The following COL21A1 variants were observed in gnomAD, a reference collection of about 807,000 sequenced individuals.
COL21A1 encodes collagen alpha-1(XXI) chain.
In COL21A1, 149 loss-of-function variants were observed where a neutral mutation model predicts 137.9. The observed-to-expected ratio is 1.08, with a 90% CI of 0.95 to 1.24. COL21A1 has a LOEUF of 1.24. Ranked by LOEUF, COL21A1 falls within the 50% of genes most tolerant of loss-of-function variation. The pLI is 0.00. For synonymous variants in COL21A1, 456 were observed against 391.5 expected (o/e 1.16, Z -1.95); for missense variants, 1,167 against 1,158.4 (o/e 1.01, Z -0.11).
intron 3 of COL21A1, among the ~76,000 whole-genome samples, chr6:56,176,693 G>A (rs1777499590): frequency 6.6e-6 from 1 of 151,412 alleles, no homozygotes; most frequent in African/African-American, 2.4e-5. Flanking sequence ...AGGAAGGAGG[G>A]AGGTTTCAGT....
Position 56,245,288 on chromosome 6 carries a change from C to T in COL21A1, c.-39+2099G>A, listed in dbSNP as rs982014449. ...TATGAATGTTAATACATTATAAAGGCTACCAGAAGGTGAAATCCTTCACCA... is the reference window on the plus strand; with the variant it reads ...TATGAATGTTAATACATTATAAAGGTTACCAGAAGGTGAAATCCTTCACCA... On this transcript the variant is annotated intron_variant, in intron 1 of 29. Coordinates refer to ENST00000244728, the MANE Select transcript of COL21A1 (RefSeq NM_030820.4). Among the ~76,000 whole-genome samples the T allele has an allele frequency of 6.6e-5, 10 of 152,216 alleles. No homozygotes were observed. In the South Asian group the frequency reaches 1.0e-3, roughly 16 times the overall value.
At chr6:56,205,830 T>A (rs6914892) in intron 1 of COL21A1, among the ~76,000 whole-genome samples, 98,992 of 151,556 alleles carry the variant, frequency 0.65, 32,745 homozygotes, top group East Asian at 0.86. Context: ...ACCAATATTC[T>A]ACATTCGTAA....
intron 1 of COL21A1, among the ~76,000 whole-genome samples, chr6:56,246,714 G>C (rs1782665421): frequency 6.6e-6 from 1 of 152,184 alleles, no homozygotes; most frequent in African/African-American, 2.4e-5. Context: ...GGCGGAGCTA[G>C]AGCCCTAGAT....
chr6:56,357,439 A>G (rs1203974595), intron 1 of COL21A1, among the ~76,000 whole-genome samples: 1 of 152,214 alleles, frequency 6.6e-6, no homozygotes, highest in Non-Finnish European at 1.5e-5. Context: ...CTCAACTTCC[A>G]GTGGAGGTGA....
At chr6:56,125,523 T>C in intron 14 of COL21A1, 44 bp downstream of exon 14, 6 of 1,410,888 alleles carry the variant, frequency 4.3e-6, no homozygotes, top group Non-Finnish European at 5.9e-6. Context: ...TTCCATTACA[T>C]TAAAAGTTCA....
chr6:56,056,760 G>A lies in COL21A1; in HGVS notation c.*897C>T, dbSNP rs371040025. ...CAGCTAAAAATAACAAGACATTCTAGGATTTCAGGAGTTTTCCTTTTCTTT... is the reference window on the plus strand; with the variant it reads ...CAGCTAAAAATAACAAGACATTCTAAGATTTCAGGAGTTTTCCTTTTCTTT... On this transcript the variant is annotated 3_prime_UTR_variant, in exon 30 of 30. Coordinates refer to ENST00000244728, the MANE Select transcript of COL21A1 (RefSeq NM_030820.4). 2.0e-5 allele frequency: 3 copies of A among 152,100 alleles called. No homozygotes were observed. In the East Asian group the frequency reaches 5.8e-4, roughly 29 times the overall value. 9.4% of individuals were successfully genotyped at this position (152,100 alleles called of 1,614,324 possible).
In COL21A1 at chr6:56,168,408, A is replaced by G. The variant is rs139066071; in HGVS notation, c.1027-111T>C. 9 of 821,986 alleles carry G rather than the reference A, an allele frequency of 1.1e-5. No homozygotes were observed. In the East Asian group the frequency reaches 1.9e-4, roughly 18 times the overall value. The allele number at this position is 821,986 out of a possible 1,614,324, so 50.9% of individuals were successfully genotyped here. On this transcript the variant is annotated intron_variant, in intron 5 of 29. Transcript: ENST00000244728. ...ATTGCTGAGAAACTTCATCCCACAC[A>G]GACTGACTGTATTATACATTAATTC...
chr6:56,171,919 A>G (rs2152273780), intron 3 of COL21A1, among the ~76,000 whole-genome samples: 1 of 152,114 alleles, frequency 6.6e-6, no homozygotes, highest in East Asian at 1.9e-4. Context: ...TAACAAGCAG[A>G]GGGAAAAGAA....
intron 12 of COL21A1, among the ~76,000 whole-genome samples, chr6:56,141,241 G>A (rs975305404): frequency 2.0e-5 from 3 of 152,074 alleles, no homozygotes; most frequent in Non-Finnish European, 2.9e-5. Context: ...TATACATAAT[G>A]GAATACTATT....
At chr6:56,125,644 G>C in intron 13 of COL21A1, 24 bp from the exon 14 acceptor site, 1 of 1,376,466 alleles carries the variant, frequency 7.3e-7, no homozygotes, top group Non-Finnish European at 9.8e-7. Flanking sequence ...TATAAATAGT[G>C]AATATTTAAG....
intron 1 of COL21A1, among the ~76,000 whole-genome samples, chr6:56,277,228 T>A (rs1763687382): frequency 6.6e-6 from 1 of 152,100 alleles, no homozygotes; most frequent in Non-Finnish European, 1.5e-5. Context: ...ATGTGCCATG[T>A]TGGTGGGCTG....
Position 56,264,925 on chromosome 6 carries a change from G to A in COL21A1, c.-38-82269C>T, listed in dbSNP as rs1386045524. On this transcript the variant is annotated intron_variant, in intron 1 of 28. Coordinates refer to the COL21A1 transcript ENST00000370819. ...AGGAGTCTTCATAGTTCTTGATGAA[G>A]GGCATTTTCTTTCTTCTACCAATAG... is the stretch of plus-strand genomic sequence containing the variant. 2.0e-5 allele frequency among the ~76,000 whole-genome samples: 3 copies of A among 152,096 alleles called. No individual in the cohort carries two copies. In the South Asian group the frequency reaches 6.2e-4, roughly 32 times the overall value.
intron 1 of COL21A1, among the ~76,000 whole-genome samples, chr6:56,289,753 A>C (rs1763997078): frequency 6.6e-6 from 1 of 151,884 alleles, no homozygotes; most frequent in Non-Finnish European, 1.5e-5. Flanking sequence ...CTTTCTTGGA[A>C]CACAGGCTGT....
chr6:56,250,424 C>G (rs920175909), upstream of COL21A1, among the ~76,000 whole-genome samples: 1 of 152,188 alleles, frequency 6.6e-6, no homozygotes, highest in African/African-American at 2.4e-5. Context: ...AATGAACTGC[C>G]TGCGGAGGTC....
intron 12 of COL21A1, among the ~76,000 whole-genome samples, chr6:56,128,094 C>A (rs1286689646): frequency 3.3e-5 from 5 of 152,160 alleles, no homozygotes; most frequent in Admixed American, 3.3e-4. Context: ...AAGGGGACGG[C>A]AAACCCTGGA....
chr6:56,079,943 C>A (rs1407409310), intron 17 of COL21A1, among the ~76,000 whole-genome samples: 3 of 151,546 alleles, frequency 2.0e-5, no homozygotes, highest in Non-Finnish European at 3.0e-5. Context: ...TAATATAATA[C>A]CACAAGCATG....
chr6:56,328,375 G>T (rs1049339189), intron 1 of COL21A1, among the ~76,000 whole-genome samples: 1 of 152,038 alleles, frequency 6.6e-6, no homozygotes, highest in East Asian at 1.9e-4. Flanking sequence ...GAGTATAATT[G>T]TCTCTTCAAT....
intron 1 of COL21A1, among the ~76,000 whole-genome samples, chr6:56,265,903 T>C (rs896188294): frequency 2.0e-5 from 3 of 147,112 alleles, no homozygotes; most frequent in African/African-American, 7.3e-5. Context: ...TTACATTCCA[T>C]CTATCTATGA....
intron 1 of COL21A1, among the ~76,000 whole-genome samples, chr6:56,255,320 A>AGAGGGT (rs1782940626): frequency 1.4e-5 from 2 of 138,758 alleles, no homozygotes; most frequent in African/African-American, 5.5e-5. Flanking sequence ...TAGAGTGATC[A>AGAGGGT]CTGTTGTTAA....
Sources: allele counts gnomAD v4.1 joint callset (sites outside exome capture counted in the v4.1 genomes callset), GRCh38; gene constraint gnomAD v4.1.1; transcripts MANE v1.5; gene names NCBI Gene and HGNC (gene_info 2026-07-23, HGNC 2026-07-21).